DBT: variants seen among roughly 807,000 people sequenced by gnomAD.
The protein encoded by DBT is lipoamide acyltransferase component of branched-chain alpha-keto acid dehydrogenase complex, mitochondrial.
In DBT, 40 loss-of-function variants were observed where a neutral mutation model predicts 51.3. That is an observed-to-expected ratio of 0.78 (90% confidence interval 0.61 to 1.02). The LOEUF is 1.02. Ranked by LOEUF, DBT falls within the 50% of genes least tolerant of loss-of-function variation. DBT has a pLI of 0.00. For synonymous variants in DBT, 181 were observed against 190.4 expected (o/e 0.95, Z 0.41); for missense variants, 510 against 580.2 (o/e 0.88, Z 1.24).
At chr1:100,225,854 AG>A in intron 4 of DBT, among the ~76,000 whole-genome samples, 1 of 151,162 alleles carries the variant, frequency 6.6e-6, no homozygotes, top group Admixed American at 6.6e-5. Flanking sequence ...AAAAATCAGA[AG>A]GCCAATTAGC....
Position 100,207,186 on chromosome 1 carries a change from T to C in DBT, c.1018-550A>G, listed in dbSNP as rs796052135. On this transcript the variant is annotated intron_variant, in intron 8 of 10. Coordinates refer to ENST00000370132, the MANE Select transcript of DBT (RefSeq NM_001918.5). ...AGGTTGAGCATCCCTAGTCCAAATA[T>C]CTGAAATCTGAAATGCTCCAACATC... Among the ~76,000 whole-genome samples the C allele has an allele frequency of 3.3e-5, 5 of 152,190 alleles. No individual in the cohort carries two copies. Among genetic ancestry groups the C allele is most frequent in the Admixed American group, 1.3e-4 (2 of 15,278 alleles).
chr1:100,241,366 T>TTGTGTGTGTGTGTGTGTG (rs58256713), intron 1 of DBT, among the ~76,000 whole-genome samples: 1 of 144,012 alleles, frequency 6.9e-6, no homozygotes, highest in African/African-American at 2.6e-5. Context: ...CTGAAAGGTA[T>TTGTGTGTGTGTGTGTGTG]TGTGTGTGTG....
At position 100,189,513 on chromosome 1, in the gene DBT, A is replaced by G. The variant is rs962481466; in HGVS notation, c.*6742T>C. 2.0e-5 allele frequency: 3 copies of G among 152,184 alleles called. No individual in the cohort carries two copies. Among genetic ancestry groups the G allele is most frequent in the African/African-American group, 7.2e-5 (3 of 41,426 alleles). 9.4% of individuals were successfully genotyped at this position (152,184 alleles called of 1,614,324 possible). ...TGACCTTGAAATGCTAAAGCATTGG[A>G]ATGAATGTCTGTAGATCAGGACAGA... On this transcript the variant is annotated 3_prime_UTR_variant, in exon 11 of 11. Transcript: ENST00000370132.
chr1:100,247,915 A>G (rs1664639367), intron 1 of DBT, among the ~76,000 whole-genome samples: 1 of 151,780 alleles, frequency 6.6e-6, no homozygotes, highest in Non-Finnish European at 1.5e-5. Flanking sequence ...CAGCCTGGCC[A>G]TCATGGTGAA....
chr1:100,229,808 A>C (rs1663436000), intron 4 of DBT, among the ~76,000 whole-genome samples: 1 of 152,148 alleles, frequency 6.6e-6, no homozygotes, highest in African/African-American at 2.4e-5. Flanking sequence ...GCTGTAAGGA[A>C]CTTGTGAGTT....
chr1:100,221,150 T>C (rs1184641619), intron 4 of DBT, among the ~76,000 whole-genome samples: 1 of 152,206 alleles, frequency 6.6e-6, no homozygotes, highest in East Asian at 1.9e-4. Context: ...CATTTTGTGA[T>C]ATATTACCTA....
At chr1:100,197,728 A>T (rs57335596) in intron 10 of DBT, among the ~76,000 whole-genome samples, 6,804 of 152,282 alleles carry the variant, frequency 0.045, 165 homozygotes, top group African/African-American at 0.059. Flanking sequence ...ATATTAAGAA[A>T]GTTTTCCAAA....
At chr1:100,247,805 T>C (rs899569221) in intron 1 of DBT, among the ~76,000 whole-genome samples, 1 of 150,602 alleles carries the variant, frequency 6.6e-6, no homozygotes, top group African/African-American at 2.4e-5. Context: ...GTGAGAAGAC[T>C]AAAGACAAGC....
intron 1 of DBT, among the ~76,000 whole-genome samples, chr1:100,244,084 A>G (rs112944437): frequency 5.2e-4 from 66 of 128,038 alleles, no homozygotes; most frequent in African/African-American, 1.7e-3. Context: ...AAAAAAAAAA[A>G]GGAGTTTAAG....
chr1:100,213,306 C>T (rs1489254846), intron 7 of DBT: 1 of 1,481,998 alleles, frequency 6.7e-7, no homozygotes, highest in Admixed American at 2.2e-5. Flanking sequence ...GACCACAAGA[C>T]TCTGCTGCAG....
At chr1:100,200,650 A>G (rs988165603) in intron 10 of DBT, among the ~76,000 whole-genome samples, 3 of 152,182 alleles carry the variant, frequency 2.0e-5, no homozygotes, top group African/African-American at 7.2e-5. Flanking sequence ...CACCTCATAC[A>G]GGAGAGCTCT....
At position 100,196,063 on chromosome 1, in the gene DBT, G is replaced by A. The variant is rs759136602; in HGVS notation, c.*192C>T. On this transcript the variant is annotated 3_prime_UTR_variant, in exon 11 of 11. Coordinates refer to ENST00000370132, the MANE Select transcript of DBT (RefSeq NM_001918.5). ...GACCTATAAAATGTGACAGCCCCAG[G>A]AGAACCATTACACCATTATTCATTT... 4.8e-6 allele frequency: 3 copies of A among 626,716 alleles called. No homozygotes were observed. Among genetic ancestry groups the A allele is most frequent in the Admixed American group, 2.8e-5 (1 of 36,344 alleles). 38.8% of individuals were successfully genotyped at this position (626,716 alleles called of 1,614,324 possible).
intron 4 of DBT, among the ~76,000 whole-genome samples, chr1:100,230,147 T>C (rs1034314426): frequency 6.6e-5 from 10 of 152,334 alleles, no homozygotes; most frequent in African/African-American, 2.4e-4. Context: ...GAATCTTTAA[T>C]TACTGAGAGA....
chr1:100,214,684 G>A, intron 7 of DBT, 133 bp downstream of exon 7: 3 of 846,080 alleles, frequency 3.5e-6, no homozygotes, highest in Non-Finnish European at 5.9e-6. Context: ...AACCCGGAAG[G>A]TGGAGGTTGC....
intron 10 of DBT, among the ~76,000 whole-genome samples, chr1:100,201,780 C>T (rs989994141): frequency 6.6e-6 from 1 of 152,116 alleles, no homozygotes; most frequent in African/African-American, 2.4e-5. Context: ...AATTTTCACC[C>T]CAGAATTTCA....
chr1:100,226,212 CTG>C (rs928256184), intron 4 of DBT, among the ~76,000 whole-genome samples: 2 of 150,884 alleles, frequency 1.3e-5, no homozygotes, highest in Admixed American at 1.3e-4. Flanking sequence ...CCAAAAAAAA[CTG>C]TGTTTATTTC....
chr1:100,218,696 G>A lies in DBT; in HGVS notation c.485C>T (p.Thr162Ile), dbSNP rs1662637707. 12 of 1,613,704 alleles carry A rather than the reference G, an allele frequency of 7.4e-6. No individual in the cohort carries two copies. The highest frequency in any genetic ancestry group is 1.6e-4 in the Middle Eastern group (1 of 6,062). The change falls in exon 5 of 11, where the codon ACA becomes ATA. Residue 162 changes from threonine to isoleucine, a missense_variant. Coordinates refer to ENST00000370132, the MANE Select transcript of DBT (RefSeq NM_001918.5). ...TTTTCGGCCCTTTATCTCTTGGTGT[G>A]TATGTTCATCATGAGACACTGCAGG... ...ETPAVSHDEH[T>I]HQEIKGRKTL...
intron 2 of DBT, among the ~76,000 whole-genome samples, chr1:100,236,460 A>G (rs961454668): frequency 6.6e-6 from 1 of 152,192 alleles, no homozygotes; most frequent in African/African-American, 2.4e-5. Flanking sequence ...ATAACAAATT[A>G]ATTAGGGTTG....
chr1:100,212,490 T>C (rs1336752645), intron 7 of DBT, among the ~76,000 whole-genome samples: 1 of 151,870 alleles, frequency 6.6e-6, no homozygotes, highest in Non-Finnish European at 1.5e-5. Context: ...TGAGCTGTGA[T>C]TGTGCCACTG....
Sources: gnomAD v4.1 joint callset for allele counts (sites outside exome capture counted in the v4.1 genomes callset) on GRCh38, gnomAD v4.1.1 for gene constraint, MANE v1.5 for transcripts, NCBI Gene and HGNC (gene_info 2026-07-23, HGNC 2026-07-21) for gene names.